Variants in PWWP2A observed in about 807,000 individuals in gnomAD.
PWWP2A encodes the protein PWWP domain-containing protein 2A.
Under a neutral mutation model 48.5 loss-of-function variants are expected in PWWP2A, and 18 were observed. That is an observed-to-expected ratio of 0.37 (90% CI 0.26 to 0.55). The LOEUF is 0.55. PWWP2A is among the 20% of genes least tolerant of loss of function. The pLI is 0.81. For missense variants in PWWP2A, 867 were observed against 976.4 expected, an observed-to-expected ratio of 0.89 and a Z score of 1.49; for synonymous variants, 396 against 387.7, an observed-to-expected ratio of 1.02 and a Z score of -0.25.
chr5:160,081,486 T>G (rs1411003381), intron 2 of PWWP2A, among the ~76,000 whole-genome samples: 6 of 152,110 alleles, frequency 3.9e-5, no homozygotes, highest in African/African-American at 1.4e-4. Flanking sequence ...GTGATCCACC[T>G]ACCTCGGCCT....
rs1003802358 is a variant in PWWP2A at position 160,092,187 on chromosome 5, T to G, written c.*195A>C. On this transcript the variant is annotated 3_prime_UTR_variant, in exon 2 of 2. Coordinates refer to ENST00000307063, the MANE Select transcript of PWWP2A (RefSeq NM_001130864.2). The stretch of plus-strand genomic sequence containing the variant: ...AAATACTGCTAAAATCTCACTTCCT[T>G]AACACAAAATTTGATTATATGTTCA... 1.3e-4 allele frequency: 168 copies of G among 1,336,250 alleles called. No individual in the cohort carries two copies. Among genetic ancestry groups the G allele is most frequent in the Non-Finnish European group, 1.5e-4 (161 of 1,047,678 alleles). 82.8% of individuals were successfully genotyped at this position (1,336,250 alleles called of 1,614,324 possible).
chr5:160,109,775 ATAT>A (rs1400761322), intron 1 of PWWP2A, among the ~76,000 whole-genome samples: 343 of 27,798 alleles, frequency 0.012, 3 homozygotes, highest in East Asian at 0.037. Flanking sequence ...AAAAAAAAAA[ATAT>A]ATATATATAT....
downstream of PWWP2A, among the ~76,000 whole-genome samples, chr5:160,074,507 G>A (rs918491451): frequency 6.6e-6 from 1 of 151,890 alleles, no homozygotes; most frequent in Non-Finnish European, 1.5e-5. Flanking sequence ...AGCACTTTGC[G>A]AAGCCGAGGC....
At chr5:160,090,521 A>G (rs763907322), downstream of PWWP2A, 140 of 984,200 alleles carry the variant, frequency 1.4e-4, no homozygotes, top group Non-Finnish European at 1.6e-4. Context: ...GCAGGAAAGA[A>G]TATGTTCTAC....
chr5:160,106,577 T>C (rs1012056477), intron 1 of PWWP2A, among the ~76,000 whole-genome samples: 2 of 152,144 alleles, frequency 1.3e-5, no homozygotes, highest in Admixed American at 6.6e-5. Flanking sequence ...TTAAGTATTA[T>C]AGGGATTATG....
the PWWP2A span, chr5:160,049,733 T>A: frequency 2.4e-6 from 3 of 1,249,612 alleles, no homozygotes; most frequent in African/African-American, 1.6e-5. Flanking sequence ...TCCTAAATAA[T>A]CCTTTCAGAC....
chr5:160,118,355 C>T (rs1758342196), intron 1 of PWWP2A, among the ~76,000 whole-genome samples: 1 of 152,206 alleles, frequency 6.6e-6, no homozygotes, highest in Non-Finnish European at 1.5e-5. Flanking sequence ...ACACCCCTTT[C>T]TCCAATCCCG....
Position 160,094,053 on chromosome 5 carries a change from A to G in PWWP2A, c.597T>C (p.His199=). Residue 199 remains histidine (H), a synonymous_variant, in exon 2 of 2, where the codon CAT becomes CAC. Coordinates refer to ENST00000307063, the MANE Select transcript of PWWP2A (RefSeq NM_001130864.2). ...LMDLSKRFGP[H]GIPVTVFPKR... ...TGGGAAATACTGTCACAGGGATACC[A>G]TGGGGCCCAAACCTTTGAAAGAAAT... 2 of 1,606,654 alleles carry G rather than the reference A, an allele frequency of 1.2e-6. No homozygotes were observed. Among genetic ancestry groups the G allele is most frequent in the Non-Finnish European group, 1.7e-6 (2 of 1,174,578 alleles).
intron 1 of PWWP2A, 23 bp downstream of exon 1, chr5:160,118,782 G>T: frequency 7.1e-7 from 1 of 1,398,728 alleles, no homozygotes; most frequent in South Asian, 1.6e-5. Flanking sequence ...CGGACCGGAG[G>T]GTGCTGGGGG....
downstream of PWWP2A, chr5:160,089,698 TC>T (rs1174360275): frequency 1.6e-6 from 2 of 1,269,540 alleles, no homozygotes; most frequent in African/African-American, 1.5e-5. Flanking sequence ...TCACAACTCT[TC>T]CTTCACTTGG....
At chr5:160,058,613 G>A (rs943647828), downstream of PWWP2A, among the ~76,000 whole-genome samples, 14 of 151,886 alleles carry the variant, frequency 9.2e-5, no homozygotes, top group East Asian at 5.8e-4. Flanking sequence ...GGGTTTCACC[G>A]TGGTAGCCAG....
chr5:160,118,723 G>A (rs1758398702), intron 1 of PWWP2A, 82 bp downstream of exon 1: 2 of 1,283,872 alleles, frequency 1.6e-6, no homozygotes, highest in East Asian at 3.1e-5. Context: ...GGAAGCGAGG[G>A]CTCGGGGAGA....
chr5:160,113,028 G>A (rs528048797), intron 1 of PWWP2A, among the ~76,000 whole-genome samples: 116 of 152,096 alleles, frequency 7.6e-4, no homozygotes, highest in Non-Finnish European at 1.4e-3. Flanking sequence ...GCTTGGTGGC[G>A]TGCGCCTGTA....
At chr5:160,094,176 A>G in intron 1 of PWWP2A, 111 bp from the exon 2 acceptor site, 1 of 1,261,010 alleles carries the variant, frequency 7.9e-7, no homozygotes, top group Non-Finnish European at 1.0e-6. Context: ...CCCGAAAACT[A>G]TTTCATATTA....
the PWWP2A span, among the ~76,000 whole-genome samples, chr5:160,045,090 G>C: frequency 6.6e-6 from 1 of 152,130 alleles, no homozygotes; most frequent in Non-Finnish European, 1.5e-5. Flanking sequence ...GTGTGGGTTT[G>C]GGAAGTTTAA....
intron 1 of PWWP2A, chr5:160,116,879 G>A (rs1561711171): frequency 1.9e-6 from 1 of 516,418 alleles, no homozygotes; most frequent in Non-Finnish European, 2.5e-6. Flanking sequence ...GATCACCTGA[G>A]GTCAGGAGTT....
At chr5:160,103,845 G>A (rs1756562202) in intron 1 of PWWP2A, among the ~76,000 whole-genome samples, 1 of 152,100 alleles carries the variant, frequency 6.6e-6, no homozygotes, top group Non-Finnish European at 1.5e-5. Context: ...AGGCTGGCTG[G>A]GAGCAGTAGC....
downstream of PWWP2A, among the ~76,000 whole-genome samples, chr5:160,072,247 G>A (rs1375917217): frequency 6.6e-6 from 1 of 152,064 alleles, no homozygotes; most frequent in African/African-American, 2.4e-5. Flanking sequence ...TAATGCTTCT[G>A]AAAATGAAAA....
intron 2 of PWWP2A, among the ~76,000 whole-genome samples, chr5:160,067,962 C>T (rs990543671): frequency 2.6e-5 from 4 of 152,228 alleles, no homozygotes; most frequent in Non-Finnish European, 5.9e-5. Context: ...GGGCGGATCA[C>T]CTGAAGTCAG....
Sources: gnomAD v4.1 joint callset for allele counts (sites outside exome capture counted in the v4.1 genomes callset) on GRCh38, gnomAD v4.1.1 for gene constraint, MANE v1.5 for transcripts, NCBI Gene and HGNC (gene_info 2026-07-23, HGNC 2026-07-21) for gene names.